ADGRA2: variants seen among roughly 807,000 people sequenced by gnomAD.
ADGRA2 encodes adhesion G protein-coupled receptor A2, also known as G-protein coupled receptor 124.
ADGRA2 carries 61 observed loss-of-function variants against 98.7 expected under a neutral mutation model. The observed-to-expected ratio is 0.62, with a 90% CI of 0.50 to 0.76. The LOEUF is 0.76. ADGRA2 is among the 30% of genes least tolerant of loss of function. The pLI, the probability that ADGRA2 is intolerant of heterozygous loss-of-function variation, is 0.00. For synonymous variants in ADGRA2, 858 were observed against 831.5 expected (o/e 1.03, Z -0.55); for missense variants, 1,712 against 1,860.0 (o/e 0.92, Z 1.46).
In ADGRA2 at chr8:37,798,047, G is replaced by A. The variant is rs375488906; in HGVS notation, c.266+513G>A. Among the ~76,000 whole-genome samples, 14 of 152,278 alleles carry A rather than the reference G, an allele frequency of 9.2e-5. 1 individual carries two copies. In the South Asian group the frequency reaches 2.9e-3, roughly 32 times the overall value. On this transcript the variant is annotated intron_variant, in intron 1 of 18. Transcript: ENST00000412232. ...TCATCCCATCCTTGCCCCCTGGCCT[G>A]CCAGCGCCGCTTCCAGCCGGTCTCC...
chr8:37,835,838 T>G, intron 13 of ADGRA2, 68 bp downstream of exon 13: 1 of 970,834 alleles, frequency 1.0e-6, no homozygotes, highest in East Asian at 2.6e-5. Flanking sequence ...CCCTTTATCC[T>G]GCCCTTCCCT....
In ADGRA2 at chr8:37,837,951, G is replaced by A. The variant is rs1328981755; in HGVS notation, c.2259+12G>A. ...TGGCCGTGCTCATGGTGGGTGTGAGGAGGGGTGACAAGTCGGGGGGGCAGG... is the reference window on the plus strand; with the variant it reads ...TGGCCGTGCTCATGGTGGGTGTGAGAAGGGGTGACAAGTCGGGGGGGCAGG... On this transcript the variant is annotated intron_variant, in intron 14 of 18. Coordinates refer to ENST00000412232, the MANE Select transcript of ADGRA2 (RefSeq NM_032777.10). The A allele has an allele frequency of 3.4e-6, 5 of 1,454,722 alleles. No homozygotes were observed. In the Middle Eastern group the frequency reaches 9.3e-4, roughly 271 times the overall value. 90.1% of individuals were successfully genotyped at this position (1,454,722 alleles called of 1,614,324 possible).
rs150449738 is a variant in ADGRA2 at position 37,841,127 on chromosome 8, T to A, written c.2789T>A (p.Ile930Asn). 6.3e-7 allele frequency: 1 copy of A among 1,588,774 alleles called. No homozygotes were observed. The highest frequency in any genetic ancestry group is 1.4e-5 in the African/African-American group (1 of 73,766). ...VWRPSLGAFYIPVALILLITW... is the reference protein window; with the variant it reads ...VWRPSLGAFYNPVALILLITW... ...CGTCCAAGCCTTGGCGCCTTCTACA[T>A]CCCTGTGGCTTTGATTCTGCTCATC... Residue 930 changes from isoleucine to asparagine, a missense_variant, in exon 19 of 19, where the codon ATC becomes AAC. Ile to Asn is a moderately radical substitution (Grantham distance 149, BLOSUM62 -3). Coordinates refer to ENST00000412232, the MANE Select transcript of ADGRA2 (RefSeq NM_032777.10). This position sits in a 1 kb window ranked among gnomAD's most constrained non-coding sequence, Gnocchi z 5.0.
chr8:37,808,240 C>T (rs906247220), intron 1 of ADGRA2, among the ~76,000 whole-genome samples: 1 of 152,020 alleles, frequency 6.6e-6, no homozygotes, highest in Non-Finnish European at 1.5e-5. Context: ...GGGAGAAGGG[C>T]GTGGGAGGGA....
At chr8:37,826,461 C>G (rs1388727969) in intron 2 of ADGRA2, among the ~76,000 whole-genome samples, 1 of 152,194 alleles carries the variant, frequency 6.6e-6, no homozygotes, top group Non-Finnish European at 1.5e-5. Flanking sequence ...TGGGGGGCAC[C>G]TCCCAGCACA....
chr8:37,831,641 C>A, intron 8 of ADGRA2, 54 bp downstream of exon 8: 1 of 1,521,426 alleles, frequency 6.6e-7, no homozygotes, highest in Non-Finnish European at 9.1e-7. Context: ...CCCACCCTTG[C>A]ACCTGACATC....
At chr8:37,808,972 G>A (rs764668421) in intron 1 of ADGRA2, among the ~76,000 whole-genome samples, 37 of 151,984 alleles carry the variant, frequency 2.4e-4, no homozygotes, top group Middle Eastern at 3.4e-3. Context: ...TTACAGGTGC[G>A]TGCCACCACA....
chr8:37,822,384 T>TACACACACACACAC (rs147834043), intron 2 of ADGRA2, among the ~76,000 whole-genome samples: 7 of 147,120 alleles, frequency 4.8e-5, no homozygotes, highest in East Asian at 2.0e-4. Flanking sequence ...TGTATGTGGG[T>TACACACACACACAC]ACACACACAC....
At chr8:37,804,151 A>ACACACACACACG (rs1554522482) in intron 1 of ADGRA2, among the ~76,000 whole-genome samples, 1 of 148,488 alleles carries the variant, frequency 6.7e-6, no homozygotes, top group South Asian at 2.1e-4. Flanking sequence ...ACACACACAC[A>ACACACACACACG]CGGCTCTTAG....
chr8:37,843,910 G>A lies in ADGRA2; in HGVS notation c.*1555G>A, dbSNP rs1052061779. Reference sequence around the variant, plus strand: ...TTAAGAACTCGGGTTTTATACAATAGAATGTTTTCTAGCAGATGCCTCTTG... The same window carrying A: ...TTAAGAACTCGGGTTTTATACAATAAAATGTTTTCTAGCAGATGCCTCTTG... On this transcript the variant is annotated 3_prime_UTR_variant, in exon 19 of 19. Transcript: ENST00000412232. 1 of 153,104 alleles carries A rather than the reference G, an allele frequency of 6.5e-6. No homozygotes were observed. The highest frequency in any genetic ancestry group is 1.5e-5 in the Non-Finnish European group (1 of 68,444). The allele number at this position is 153,104 out of a possible 1,614,324, so 9.5% of individuals were successfully genotyped here. A position where few individuals can be genotyped will look rare whatever the true frequency, so the allele number is the denominator to read the frequency against.
At position 37,830,343 on chromosome 8, in the gene ADGRA2, C is replaced by T. The variant is rs1360366365; in HGVS notation, c.718+329C>T. On this transcript the variant is annotated intron_variant, in intron 6 of 18. Transcript: ENST00000412232. This position sits in a 1 kb window ranked among gnomAD's most constrained non-coding sequence, Gnocchi z 4.8. ...GGGGCCAGTGTTATTCTCCCTACTC[C>T]GCCTATGACTGTGTGCTGGGCGTGT... Among the ~76,000 whole-genome samples, 1 of 152,188 alleles carries T rather than the reference C, an allele frequency of 6.6e-6. No homozygotes were observed. Among genetic ancestry groups the T allele is most frequent in the Non-Finnish European group, 1.5e-5 (1 of 68,038 alleles).
Position 37,839,504 on chromosome 8 carries a change from TC to T in ADGRA2, c.2395del (p.Arg799ValfsTer11). ...IITYILNHSS[I>X]RVSRKGWHML... is the part of the protein sequence containing the mutation. Reference sequence around the variant, plus strand: ...TCGAGACTGTTTCCGGGCAGCTCCATCCGTGTGTCCCGGAAAGGCTGGCACA... The same window carrying T: ...TCGAGACTGTTTCCGGGCAGCTCCATCGTGTGTCCCGGAAAGGCTGGCACA... On this transcript the variant is annotated frameshift_variant, in exon 16 of 19. Coordinates refer to ENST00000412232, the MANE Select transcript of ADGRA2 (RefSeq NM_032777.10). LOFTEE classifies it high-confidence loss of function. The T allele has an allele frequency of 6.2e-7, 1 of 1,614,134 alleles. No individual in the cohort carries two copies. Among genetic ancestry groups the T allele is most frequent in the Non-Finnish European group, 8.5e-7 (1 of 1,180,014 alleles).
chr8:37,841,235 C>G lies in ADGRA2; in HGVS notation c.2897C>G (p.Ser966Cys). The G allele has an allele frequency of 6.2e-7, 1 of 1,613,634 alleles. No individual in the cohort carries two copies. The highest frequency in any genetic ancestry group is 8.5e-7 in the Non-Finnish European group (1 of 1,179,998). The change falls in exon 19 of 19, where the codon TCC (serine) becomes TGC (cysteine). Residue 966 changes from serine (S) to cysteine (C), a missense_variant. Ser to Cys is a moderately radical substitution (Grantham distance 112). Coordinates refer to ENST00000412232, the MANE Select transcript of ADGRA2 (RefSeq NM_032777.10). The surrounding 1 kb of genome is among the most constrained non-coding windows in gnomAD (Gnocchi z 5.0). ...CCCAAGGCGGGCAACAGCAGGGCCT[C>G]CCTGGAGGCAGGGGAGGAGCTGAGG... ...QNPKAGNSRA[S>C]LEAGEELRGS...
Position 37,833,711 on chromosome 8 carries a change from G to A in ADGRA2, c.1320G>A (p.Ala440=), listed in dbSNP as rs370286728. 46 of 1,614,012 alleles carry A rather than the reference G, an allele frequency of 2.9e-5. No individual in the cohort carries two copies. The highest frequency in any genetic ancestry group is 3.5e-5 in the Non-Finnish European group (41 of 1,180,004). ...FVLMPINASN[A]LTLAHQLRVY... is the part of the protein sequence containing the mutation. ...AGATGCCCATCAATGCCTCCAATGC[G>A]CTGACCCTGGCTCACCAGCTGCGCG... Residue 440 remains alanine, a synonymous_variant, in exon 10 of 19, where the codon GCG becomes GCA. Transcript: ENST00000412232.
Position 37,835,384 on chromosome 8 carries a change from TC to T in ADGRA2, c.1821del (p.Phe608SerfsTer84). 4 of 1,609,366 alleles carry T rather than the reference TC, an allele frequency of 2.5e-6. No individual in the cohort carries two copies. The highest frequency in any genetic ancestry group is 3.4e-6 in the Non-Finnish European group (4 of 1,179,140). On this transcript the variant is annotated frameshift_variant, in exon 12 of 19. Transcript: ENST00000412232. LOFTEE classifies it high-confidence loss of function. ...CGGGAGGCCCAATGTTTCTCTGTCG[TC>T]CTTCCACATCAAGGTGGGCGCTGGG... is the stretch of plus-strand genomic sequence containing the variant. ...TTGRPNVSLS[S>X]FHIKNSVALA...
rs780011905 is a variant in ADGRA2 at position 37,797,580 on chromosome 8, C to T, written c.266+46C>T. The stretch of plus-strand genomic sequence containing the variant: ...GTTCCGTCCGAGCCGGGACTGGGGA[C>T]GAAGGGAGGCGAGACGGGAGGGGTG... On this transcript the variant is annotated intron_variant, in intron 1 of 18. Coordinates refer to ENST00000412232, the MANE Select transcript of ADGRA2 (RefSeq NM_032777.10). This position sits in a 1 kb window ranked among gnomAD's most constrained non-coding sequence, Gnocchi z 5.3. The T allele has an allele frequency of 4.6e-6, 6 of 1,295,362 alleles. No individual in the cohort carries two copies. The highest frequency in any genetic ancestry group is 3.7e-5 in the Admixed American group (1 of 27,396). 80.2% of individuals were successfully genotyped at this position (1,295,362 alleles called of 1,614,324 possible).
In ADGRA2 at chr8:37,830,798, T is replaced by C; in HGVS notation, c.807T>C (p.Ser269=). 1.3e-6 allele frequency: 2 copies of C among 1,594,144 alleles called. No individual in the cohort carries two copies. Among genetic ancestry groups the C allele is most frequent in the Non-Finnish European group, 8.5e-7 (1 of 1,171,086 alleles). ...FQGDRLPFQC[S]ASYLGNDTRI... is the part of the protein sequence containing the mutation. Reference sequence around the variant, plus strand: ...GGGATCGGCTGCCCTTCCAGTGCTCTGCCAGCTACCTGGGCAACGACACCC... The same window carrying C: ...GGGATCGGCTGCCCTTCCAGTGCTCCGCCAGCTACCTGGGCAACGACACCC... Residue 269 remains serine, a synonymous_variant, in exon 7 of 19, where the codon TCT becomes TCC. Transcript: ENST00000412232. This position sits in a 1 kb window ranked among gnomAD's most constrained non-coding sequence, Gnocchi z 4.8.
At position 37,814,698 on chromosome 8, in the gene ADGRA2, A is replaced by G. The variant is rs978122793; in HGVS notation, c.267-198A>G. 6.6e-6 allele frequency among the ~76,000 whole-genome samples: 1 copy of G among 152,180 alleles called. No homozygotes were observed. Among genetic ancestry groups the G allele is most frequent in the Admixed American group, 6.5e-5 (1 of 15,282 alleles). On this transcript the variant is annotated intron_variant, in intron 1 of 18. Coordinates refer to ENST00000412232, the MANE Select transcript of ADGRA2 (RefSeq NM_032777.10). This position sits in a 1 kb window ranked among gnomAD's most constrained non-coding sequence, Gnocchi z 4.3. ...AGGCTTGGAGGAGACTCAGGGCAGG[A>G]AGGTCTGACGTGGGGCTGGGTGGAC...
chr8:37,829,609 G>T, intron 5 of ADGRA2, 50 bp downstream of exon 5: 1 of 1,321,044 alleles, frequency 7.6e-7, no homozygotes, highest in Non-Finnish European at 1.1e-6. Context: ...CCCTTTCTCT[G>T]CCCAGGAGAG....
Sources: allele counts gnomAD v4.1 joint callset (sites outside exome capture counted in the v4.1 genomes callset), GRCh38; gene constraint gnomAD v4.1.1; non-coding constraint Gnocchi (gnomAD v3.1); transcripts MANE v1.5; gene names NCBI Gene and HGNC (gene_info 2026-07-23, HGNC 2026-07-21).